Variants in SULF1 observed in about 807,000 individuals in gnomAD.
SULF1 encodes extracellular sulfatase Sulf-1.
In SULF1, 46 loss-of-function variants were observed where a neutral mutation model predicts 110.5. The ratio of observed to expected loss-of-function variants is 0.42; its 90% CI spans 0.33 to 0.53. The LOEUF (loss-of-function observed/expected upper bound fraction) is 0.53. SULF1 is among the 20% of genes least tolerant of loss of function. The probability of loss-of-function intolerance (pLI) is 0.12; values close to 1 mark genes in which losing one functional copy is unlikely to be tolerated. For synonymous variants in SULF1, 371 were observed against 387.1 expected, an observed-to-expected ratio of 0.96 and a Z score of 0.49; for missense variants, 941 against 1,094.2, an observed-to-expected ratio of 0.86 and a Z score of 1.98.
At chr8:69,575,815 T>G (rs1805570748) in intron 5 of SULF1, among the ~76,000 whole-genome samples, 155 bp from the exon 6 acceptor site, 1 of 152,182 alleles carries the variant, frequency 6.6e-6, no homozygotes, top group South Asian at 2.1e-4. Context: ...ATGCTTAATT[T>G]TGTTGTAGAA....
At chr8:69,546,382 A>G (rs1440008677) in intron 3 of SULF1, among the ~76,000 whole-genome samples, 1 of 152,200 alleles carries the variant, frequency 6.6e-6, no homozygotes, top group Non-Finnish European at 1.5e-5. Context: ...TGGTCAGGCA[A>G]AGCTATGATT....
intron 3 of SULF1, among the ~76,000 whole-genome samples, chr8:69,524,982 T>A (rs1019542812): frequency 2.6e-5 from 4 of 152,218 alleles, no homozygotes; most frequent in Non-Finnish European, 4.4e-5. Flanking sequence ...CTTTATAACG[T>A]ATAATACTGG....
At chr8:69,638,951 CAT>C (rs1417327677) in intron 21 of SULF1, 93 bp downstream of exon 21, 1 of 1,263,840 alleles carries the variant, frequency 7.9e-7, no homozygotes, top group Non-Finnish European at 1.1e-6. Flanking sequence ...TGCACAGAAA[CAT>C]ATAATTCAAG....
intron 3 of SULF1, among the ~76,000 whole-genome samples, chr8:69,519,170 T>C (rs1456429861): frequency 6.6e-6 from 1 of 152,122 alleles, no homozygotes; most frequent in Admixed American, 6.5e-5. Context: ...ACTGGAAAAA[T>C]AAGTCCCACC....
intron 13 of SULF1, 134 bp downstream of exon 13, chr8:69,605,066 T>C: frequency 8.1e-7 from 1 of 1,228,208 alleles, no homozygotes; most frequent in East Asian, 2.5e-5. Flanking sequence ...GCAAGCTCAC[T>C]GAGACACCTC....
At chr8:69,641,042 C>T in intron 22 of SULF1, 3 of 450,156 alleles carry the variant, frequency 6.7e-6, no homozygotes, top group Non-Finnish European at 3.9e-6. Context: ...ACTGTCCCAT[C>T]AAGATGTTCC....
chr8:69,518,061 A>G (rs1179481633), intron 3 of SULF1, among the ~76,000 whole-genome samples: 2 of 152,174 alleles, frequency 1.3e-5, no homozygotes. Flanking sequence ...ATATTTTTTA[A>G]CATATCTGCA....
At chr8:69,544,662 C>T (rs574706487) in intron 3 of SULF1, among the ~76,000 whole-genome samples, 39 of 152,240 alleles carry the variant, frequency 2.6e-4, no homozygotes, top group African/African-American at 9.2e-4. Flanking sequence ...CTATTTTCAA[C>T]TGAAAATAAA....
chr8:69,501,398 A>G lies in SULF1; in HGVS notation c.-228-476A>G, dbSNP rs539880093. Among the ~76,000 whole-genome samples the G allele has an allele frequency of 1.2e-4, 19 of 152,356 alleles. No homozygotes were observed. The East Asian group carries it at 3.7e-3, about 29-fold the overall frequency. On this transcript the variant is annotated intron_variant, in intron 2 of 22. Coordinates refer to ENST00000402687, the MANE Select transcript of SULF1 (RefSeq NM_001128205.2). ...TTTTCAGCTGTCAAAAATGTGGAAT[A>G]TAAACAAATTTTACCACTTGGAAAT...
At chr8:69,631,319 G>A (rs980145638) in intron 19 of SULF1, among the ~76,000 whole-genome samples, 1 of 152,192 alleles carries the variant, frequency 6.6e-6, no homozygotes, top group South Asian at 2.1e-4. Context: ...TCCTGCTCAA[G>A]CCACCACCAT....
chr8:69,637,356 G>A (rs1003774710), intron 19 of SULF1, among the ~76,000 whole-genome samples: 1 of 152,180 alleles, frequency 6.6e-6, no homozygotes, highest in Admixed American at 6.5e-5. Flanking sequence ...TTCGTTAGCA[G>A]TTCCTGGGCC....
intron 3 of SULF1, among the ~76,000 whole-genome samples, chr8:69,513,264 C>T (rs1184950212): frequency 1.3e-5 from 2 of 152,196 alleles, no homozygotes; most frequent in Non-Finnish European, 1.5e-5. Context: ...AGATCACCTA[C>T]ATAATTTTTC....
intron 19 of SULF1, chr8:69,638,053 T>A (rs958941926): frequency 1.8e-5 from 3 of 170,126 alleles, no homozygotes; most frequent in Non-Finnish European, 3.7e-5. Context: ...AAATCCCATC[T>A]TTTCATGCTT....
chr8:69,508,949 T>C (rs529196162), intron 3 of SULF1, among the ~76,000 whole-genome samples: 2 of 152,210 alleles, frequency 1.3e-5, no homozygotes, highest in East Asian at 1.9e-4. Context: ...TAATGACTCA[T>C]AGGATTCTTC....
Position 69,659,227 on chromosome 8 carries a change from G to C in SULF1, c.*692G>C, listed in dbSNP as rs1040673880. ...AGAACACCGAAGTAATTCCAGCATAGCGGGGAAGATGTTGACCAAGGTGGA... is the reference window on the plus strand; with the variant it reads ...AGAACACCGAAGTAATTCCAGCATACCGGGGAAGATGTTGACCAAGGTGGA... On this transcript the variant is annotated 3_prime_UTR_variant, in exon 23 of 23. Coordinates refer to ENST00000402687, the MANE Select transcript of SULF1 (RefSeq NM_001128205.2). 3.7e-5 allele frequency: 17 copies of C among 456,440 alleles called. No individual in the cohort carries two copies. The highest frequency in any genetic ancestry group is 3.2e-4 in the African/African-American group (16 of 50,038). 28.3% of individuals were successfully genotyped at this position (456,440 alleles called of 1,614,324 possible).
At chr8:69,536,772 A>T (rs564717159) in intron 3 of SULF1, among the ~76,000 whole-genome samples, 1 of 152,298 alleles carries the variant, frequency 6.6e-6, no homozygotes, top group Non-Finnish European at 1.5e-5. Context: ...GCTATTTTTT[A>T]GGCCAATGTG....
intron 8 of SULF1, among the ~76,000 whole-genome samples, chr8:69,596,840 T>C (rs1243630266): frequency 6.6e-6 from 1 of 152,176 alleles, no homozygotes; most frequent in Non-Finnish European, 1.5e-5. Flanking sequence ...CAGCTACCTA[T>C]GAGAATGGGT....
At chr8:69,566,403 A>T (rs1021882503) in intron 5 of SULF1, among the ~76,000 whole-genome samples, 2 of 152,148 alleles carry the variant, frequency 1.3e-5, no homozygotes, top group Non-Finnish European at 2.9e-5. Flanking sequence ...TCATCCAGTA[A>T]ATATTTTCTG....
At chr8:69,630,203 A>G (rs1240997504) in intron 19 of SULF1, among the ~76,000 whole-genome samples, 1 of 152,226 alleles carries the variant, frequency 6.6e-6, no homozygotes, top group African/African-American at 2.4e-5. Context: ...TTGGTTTTAC[A>G]TTGAACTGCT....
Sources: gnomAD v4.1 joint callset for allele counts (sites outside exome capture counted in the v4.1 genomes callset) on GRCh38, gnomAD v4.1.1 for gene constraint, MANE v1.5 for transcripts, NCBI Gene and HGNC (gene_info 2026-07-23, HGNC 2026-07-21) for gene names.